WARS2: variants seen among roughly 807,000 people sequenced by gnomAD.
The protein encoded by WARS2 is tryptophanyl tRNA synthetase 2, mitochondrial.
WARS2 carries 28 observed loss-of-function variants against 36.5 expected under a neutral mutation model. The observed-to-expected ratio is 0.77, with a 90% CI of 0.57 to 1.05. The LOEUF is 1.05. WARS2 is among the 50% of genes least tolerant of loss of function. WARS2 has a pLI of 0.00. For synonymous variants in WARS2, 174 were observed against 178.4 expected (o/e 0.98, Z 0.20); for missense variants, 435 against 456.8 (o/e 0.95, Z 0.44).
At chr1:119,133,544 T>C (rs1656255373) in intron 1 of WARS2, among the ~76,000 whole-genome samples, 2 of 152,216 alleles carry the variant, frequency 1.3e-5, no homozygotes, top group Non-Finnish European at 2.9e-5. Flanking sequence ...ATCTATAAAA[T>C]AGGGCTAATA....
intron 2 of WARS2, among the ~76,000 whole-genome samples, chr1:119,049,020 G>A (rs948078935): frequency 1.1e-4 from 17 of 152,256 alleles, no homozygotes; most frequent in African/African-American, 4.1e-4. Flanking sequence ...CTGAGATCGC[G>A]GAGACCAAGC....
intron 1 of WARS2, among the ~76,000 whole-genome samples, chr1:119,135,715 CAGATAGAT>C (rs113027169): frequency 0.028 from 4,106 of 147,062 alleles, 87 homozygotes; most frequent in South Asian, 0.096. Flanking sequence ...ATTAGATAGA[CAGATAGAT>C]AGATAGATAG....
chr1:119,140,402 A>C, intron 1 of WARS2, 153 bp downstream of exon 1: 1 of 594,780 alleles, frequency 1.7e-6, no homozygotes, highest in East Asian at 3.2e-5. Flanking sequence ...CTACGCTCTG[A>C]GCAGGCCGAC....
chr1:119,117,093 C>T (rs1044271269), intron 1 of WARS2, among the ~76,000 whole-genome samples: 12 of 152,146 alleles, frequency 7.9e-5, no homozygotes, highest in African/African-American at 2.4e-4. Flanking sequence ...TAGGGAGGCA[C>T]GGTGAAGGTG....
chr1:119,050,582 C>G (rs56708249), intron 2 of WARS2, among the ~76,000 whole-genome samples: 44,694 of 151,640 alleles, frequency 0.29, 7,227 homozygotes, highest in African/African-American at 0.43. Context: ...CATTTATAGA[C>G]AATGTCTAAA....
chr1:119,136,500 G>A (rs1656518755), intron 1 of WARS2, among the ~76,000 whole-genome samples: 1 of 152,186 alleles, frequency 6.6e-6, no homozygotes, highest in Non-Finnish European at 1.5e-5. Context: ...GCTTTAGAGT[G>A]GATCCACGCA....
At chr1:119,136,840 G>A (rs979380796) in intron 1 of WARS2, among the ~76,000 whole-genome samples, 3 of 152,094 alleles carry the variant, frequency 2.0e-5, no homozygotes, top group East Asian at 1.9e-4. Flanking sequence ...ATTTCTTCAC[G>A]TTTGAAATAA....
chr1:119,126,532 C>T, intron 1 of WARS2: 35 of 488,710 alleles, frequency 7.2e-5, no homozygotes, highest in East Asian at 1.1e-4. Context: ...TATTAAAAGT[C>T]TGAACTTCAG....
At position 119,033,255 on chromosome 1, in the gene WARS2, T is replaced by A; in HGVS notation, c.739A>T (p.Ile247Leu). 1 of 1,614,254 alleles carries A rather than the reference T, an allele frequency of 6.2e-7. No homozygotes were observed. Among genetic ancestry groups the A allele is most frequent in the Non-Finnish European group, 8.5e-7 (1 of 1,180,034 alleles). The change falls in exon 6 of 6, where the codon ATA becomes TTA. Residue 247 changes from isoleucine to leucine, a missense_variant. Coordinates refer to ENST00000235521, the MANE Select transcript of WARS2 (RefSeq NM_015836.4). ...ACAGCCTTGCGGAATTTCTGCACTATCTCCTCTGGGCTGTCTGTTATTCGG... is the reference window on the plus strand; with the variant it reads ...ACAGCCTTGCGGAATTTCTGCACTAACTCCTCTGGGCTGTCTGTTATTCGG... ...TVRITDSPEE[I>L]VQKFRKAVTD...
At chr1:119,084,099 C>A (rs937137060) in intron 1 of WARS2, among the ~76,000 whole-genome samples, 5 of 151,504 alleles carry the variant, frequency 3.3e-5, no homozygotes, top group Non-Finnish European at 7.4e-5. Flanking sequence ...GAGCTCACTG[C>A]AGCCTCAAAC....
intron 1 of WARS2, among the ~76,000 whole-genome samples, chr1:119,131,550 C>T (rs978828532): frequency 4.0e-5 from 6 of 151,508 alleles, no homozygotes; most frequent in African/African-American, 1.5e-4. Context: ...GCAAGCTCCG[C>T]CTCCCGGGTT....
chr1:119,045,749 G>GGGGTA (rs1648747836), intron 2 of WARS2, 87 bp from the exon 3 acceptor site: 1 of 1,070,860 alleles, frequency 9.3e-7, no homozygotes, highest in African/African-American at 1.6e-5. Flanking sequence ...TACCCTAAAT[G>GGGGTA]TCTGAAAATA....
chr1:119,081,664 T>C (rs1652199868), intron 1 of WARS2, among the ~76,000 whole-genome samples: 1 of 152,222 alleles, frequency 6.6e-6, no homozygotes, highest in Admixed American at 6.5e-5. Flanking sequence ...ATATAAATTT[T>C]AAAATATTGT....
chr1:119,097,705 G>C (rs1363261501), intron 1 of WARS2, among the ~76,000 whole-genome samples: 2 of 152,192 alleles, frequency 1.3e-5, no homozygotes, highest in Non-Finnish European at 2.9e-5. Flanking sequence ...TCGCCAGCCA[G>C]TGAAATCCTC....
chr1:119,095,716 C>A (rs780114539), intron 1 of WARS2, among the ~76,000 whole-genome samples: 6 of 152,338 alleles, frequency 3.9e-5, no homozygotes, highest in South Asian at 2.1e-4. Context: ...CAGGAGCAAG[C>A]CACTGCACCC....
chr1:119,082,469 G>C (rs927582601), intron 1 of WARS2: 4 of 984,908 alleles, frequency 4.1e-6, no homozygotes, highest in Non-Finnish European at 4.8e-6. Context: ...GGAATCATAG[G>C]CATCATTTTC....
intron 1 of WARS2, among the ~76,000 whole-genome samples, chr1:119,135,706 T>TAGACAGA (rs1656435600): frequency 7.2e-6 from 1 of 138,844 alleles, no homozygotes; most frequent in Non-Finnish European, 1.6e-5. Flanking sequence ...GATAGATAGA[T>TAGACAGA]TAGATAGACA....
intron 1 of WARS2, among the ~76,000 whole-genome samples, chr1:119,101,648 A>G (rs998018162): frequency 6.6e-6 from 1 of 152,172 alleles, no homozygotes; most frequent in African/African-American, 2.4e-5. Context: ...CATCTAACAC[A>G]GGATTCCTGA....
At chr1:119,122,133 A>T (rs1435248964) in intron 1 of WARS2, among the ~76,000 whole-genome samples, 2 of 152,234 alleles carry the variant, frequency 1.3e-5, no homozygotes, top group African/African-American at 4.8e-5. Flanking sequence ...AAATCTTCAG[A>T]ATCTATATAC....
Sources: allele counts gnomAD v4.1 joint callset (sites outside exome capture counted in the v4.1 genomes callset), GRCh38; gene constraint gnomAD v4.1.1; transcripts MANE v1.5; gene names NCBI Gene and HGNC (gene_info 2026-07-23, HGNC 2026-07-21).